Variants in FHIT observed in about 807,000 individuals in gnomAD.
The protein encoded by FHIT is fragile histidine triad diadenosine triphosphatase.
In FHIT, 19 loss-of-function variants were observed where a neutral mutation model predicts 17.9. That is an observed-to-expected ratio of 1.06 (90% CI 0.74 to 1.56). The LOEUF is 1.56. Ranked by LOEUF, FHIT falls within the 40% of genes most tolerant of loss-of-function variation. The pLI, the probability that FHIT is intolerant of heterozygous loss-of-function variation, is 0.00. For synonymous variants in FHIT, 81 were observed against 69.7 expected (o/e 1.16, Z -0.81); for missense variants, 248 against 189.2 (o/e 1.31, Z -1.82).
chr3:60,103,239 G>T (rs559183580), intron 5 of FHIT, among the ~76,000 whole-genome samples: 49 of 152,214 alleles, frequency 3.2e-4, no homozygotes, highest in African/African-American at 1.1e-3. Context: ...TATATTGTAG[G>T]GGAGAAAACG....
Position 60,422,938 on chromosome 3 carries a change from C to T in FHIT, c.103+113922G>A, listed in dbSNP as rs558706820. Among the ~76,000 whole-genome samples the T allele has an allele frequency of 1.2e-3, 181 of 152,256 alleles. 1 individual carries two copies. The highest frequency in any genetic ancestry group is 4.1e-3 in the African/African-American group (171 of 41,546). Reference sequence around the variant, plus strand: ...ATTTTGTATTACCCTCTTCACTCTCCTGAGATGAAATCTACTCTTAAGATA... The same window carrying T: ...ATTTTGTATTACCCTCTTCACTCTCTTGAGATGAAATCTACTCTTAAGATA... On this transcript the variant is annotated intron_variant, in intron 5 of 9. Coordinates refer to ENST00000492590, the MANE Select transcript of FHIT (RefSeq NM_002012.4).
intron 9 of FHIT, 97 bp from the exon 10 acceptor site, chr3:59,749,676 C>T (rs1019865404): frequency 1.5e-4 from 35 of 230,336 alleles, no homozygotes; most frequent in Non-Finnish European, 2.6e-5. Context: ...GCATCTGGTG[C>T]TCTGGGACTT....
At chr3:59,751,041 A>AGAAACTATTTATAGGAGAGGATCTGTAAC (rs1700867385) in intron 9 of FHIT, 1 of 158,846 alleles carries the variant, frequency 6.3e-6, no homozygotes, top group Non-Finnish European at 1.2e-5. Flanking sequence ...AAAACAAAAA[A>AGAAACTATTTATAGGAGAGGATCTGTAAC]GAAACTATTT....
At chr3:61,042,312 A>G (rs1481120493) in intron 2 of FHIT, among the ~76,000 whole-genome samples, 1 of 152,204 alleles carries the variant, frequency 6.6e-6, no homozygotes, top group Non-Finnish European at 1.5e-5. Flanking sequence ...AAAGCATATA[A>G]CCTACCTGGG....
chr3:60,418,737 G>A (rs975314202), intron 5 of FHIT, among the ~76,000 whole-genome samples: 6 of 150,330 alleles, frequency 4.0e-5, no homozygotes, highest in Non-Finnish European at 8.9e-5. Context: ...CCAGCATGGG[G>A]AACAAAGTGA....
intron 3 of FHIT, among the ~76,000 whole-genome samples, chr3:60,989,037 T>C (rs371225888): frequency 5.3e-5 from 8 of 149,928 alleles, no homozygotes; most frequent in African/African-American, 2.0e-4. Context: ...CTTTGGTTTA[T>C]GGATACACCT....
At chr3:60,721,463 T>C (rs1338808842) in intron 4 of FHIT, among the ~76,000 whole-genome samples, 5 of 152,154 alleles carry the variant, frequency 3.3e-5, no homozygotes, top group African/African-American at 7.2e-5. Flanking sequence ...TCATACAATT[T>C]GAGAACCATT....
intron 4 of FHIT, among the ~76,000 whole-genome samples, chr3:60,605,107 C>CAG (rs1553670575): frequency 6.6e-6 from 1 of 151,884 alleles, no homozygotes; most frequent in African/African-American, 2.4e-5. Context: ...CAAACACACA[C>CAG]ACACAGAGAG....
intron 8 of FHIT, among the ~76,000 whole-genome samples, chr3:59,909,188 C>T (rs972048836): frequency 6.6e-6 from 1 of 151,762 alleles, no homozygotes; most frequent in Non-Finnish European, 1.5e-5. Context: ...CACGCACCAT[C>T]GACCCAGCTA....
intron 8 of FHIT, among the ~76,000 whole-genome samples, chr3:59,772,603 C>A (rs1307370592): frequency 6.6e-6 from 1 of 152,178 alleles, no homozygotes; most frequent in Non-Finnish European, 1.5e-5. Flanking sequence ...GTGCCAAGGC[C>A]AGCTCTCGTA....
intron 3 of FHIT, among the ~76,000 whole-genome samples, chr3:60,881,494 C>A (rs1445677491): frequency 6.6e-6 from 1 of 152,116 alleles, no homozygotes; most frequent in Non-Finnish European, 1.5e-5. Context: ...TTATTTTCAT[C>A]AGCACATGGA....
intron 8 of FHIT, among the ~76,000 whole-genome samples, chr3:59,784,660 C>A (rs1163748190): frequency 6.6e-6 from 1 of 152,140 alleles, no homozygotes; most frequent in Non-Finnish European, 1.5e-5. Context: ...GTTCAACATC[C>A]TTTTTCTTCC....
chr3:60,652,833 C>G (rs1553688642), intron 4 of FHIT, among the ~76,000 whole-genome samples: 1 of 151,732 alleles, frequency 6.6e-6, no homozygotes, highest in African/African-American at 2.4e-5. Flanking sequence ...TTGCTTGAAC[C>G]TGGGAGGCAG....
At chr3:59,932,210 A>G (rs1445108054) in intron 7 of FHIT, among the ~76,000 whole-genome samples, 3 of 152,178 alleles carry the variant, frequency 2.0e-5, no homozygotes, top group African/African-American at 7.2e-5. Flanking sequence ...TCATCATCCC[A>G]AAGACTGGAT....
At chr3:60,396,303 T>C (rs1170559239) in intron 5 of FHIT, among the ~76,000 whole-genome samples, 4 of 152,174 alleles carry the variant, frequency 2.6e-5, no homozygotes, top group African/African-American at 9.7e-5. Flanking sequence ...CACTCACATA[T>C]AGGGATCTAG....
chr3:60,376,442 T>G (rs1023714638), intron 5 of FHIT, among the ~76,000 whole-genome samples: 2 of 152,166 alleles, frequency 1.3e-5, no homozygotes, highest in African/African-American at 4.8e-5. Context: ...TAAAAATCAG[T>G]GGTAAAATGT....
chr3:60,854,492 T>C (rs1703289915), intron 3 of FHIT, among the ~76,000 whole-genome samples: 1 of 151,900 alleles, frequency 6.6e-6, no homozygotes, highest in Non-Finnish European at 1.5e-5. Context: ...ACAAGATGTC[T>C]GAAGGTATAA....
At chr3:60,384,774 C>T (rs1017213588) in intron 5 of FHIT, among the ~76,000 whole-genome samples, 4 of 147,808 alleles carry the variant, frequency 2.7e-5, no homozygotes, top group South Asian at 4.2e-4. Context: ...AGATACACTA[C>T]AAAACTTTAT....
chr3:60,812,739 T>C (rs1054363849), intron 4 of FHIT, among the ~76,000 whole-genome samples: 2 of 152,126 alleles, frequency 1.3e-5, no homozygotes, highest in Admixed American at 6.6e-5. Context: ...CTCATATGCA[T>C]ACCCTAACAA....
Sources: gnomAD v4.1 joint callset for allele counts (sites outside exome capture counted in the v4.1 genomes callset) on GRCh38, gnomAD v4.1.1 for gene constraint, MANE v1.5 for transcripts, NCBI Gene and HGNC (gene_info 2026-07-23, HGNC 2026-07-21) for gene names.